GPC6: variants seen among roughly 807,000 people sequenced by gnomAD.
The protein encoded by GPC6 is glypican 6.
Under a neutral mutation model 55.2 loss-of-function variants are expected in GPC6, and 14 were observed. The ratio of observed to expected loss-of-function variants is 0.25; its 90% CI spans 0.17 to 0.40. The LOEUF (loss-of-function observed/expected upper bound fraction) is 0.40. Ranked by LOEUF, GPC6 falls within the 10% of genes least tolerant of loss-of-function variation. GPC6 has a pLI of 1.00. For synonymous variants in GPC6, 278 were observed against 259.6 expected (o/e 1.07, Z -0.68); for missense variants, 641 against 708.5 (o/e 0.90, Z 1.08).
At chr13:93,645,410 A>G (rs541037965) in intron 2 of GPC6, among the ~76,000 whole-genome samples, 2 of 152,296 alleles carry the variant, frequency 1.3e-5, no homozygotes, top group Non-Finnish European at 2.9e-5. Context: ...CCAGCTATAA[A>G]AGGGAAGAAA....
chr13:93,388,782 T>C (rs8001600), intron 1 of GPC6, among the ~76,000 whole-genome samples: 53,790 of 152,048 alleles, frequency 0.35, 10,843 homozygotes, highest in East Asian at 0.92. Flanking sequence ...TTATTATCTG[T>C]CTACCACTAG....
At chr13:94,093,902 A>G (rs1885580810) in intron 4 of GPC6, among the ~76,000 whole-genome samples, 1 of 152,080 alleles carries the variant, frequency 6.6e-6, no homozygotes, top group Non-Finnish European at 1.5e-5. Context: ...ACGAAGTTTA[A>G]GATGATGCTA....
At chr13:94,271,549 G>A (rs1462254438) in intron 4 of GPC6, among the ~76,000 whole-genome samples, 1 of 152,102 alleles carries the variant, frequency 6.6e-6, no homozygotes, top group Admixed American at 6.5e-5. Context: ...CCTTGGGCAA[G>A]TTATTTCCCT....
intron 3 of GPC6, among the ~76,000 whole-genome samples, chr13:93,937,381 T>C (rs555200853): frequency 6.6e-6 from 1 of 152,280 alleles, no homozygotes; most frequent in African/African-American, 2.4e-5. Context: ...CAGTGGACTT[T>C]TGTCAGTTTT....
chr13:93,645,172 G>A (rs868367183), intron 2 of GPC6, among the ~76,000 whole-genome samples: 36 of 151,694 alleles, frequency 2.4e-4, no homozygotes, highest in South Asian at 2.1e-4. Flanking sequence ...TTAGAAAACT[G>A]TTCAGATTCT....
intron 1 of GPC6, among the ~76,000 whole-genome samples, chr13:93,250,828 A>G (rs1876762030): frequency 6.6e-6 from 1 of 152,168 alleles, no homozygotes; most frequent in African/African-American, 2.4e-5. Context: ...TGGGTGTATT[A>G]GTTTGTTTTC....
intron 4 of GPC6, among the ~76,000 whole-genome samples, chr13:94,065,705 T>G (rs138267575): frequency 9.3e-4 from 141 of 152,294 alleles, no homozygotes; most frequent in African/African-American, 3.3e-3. Context: ...GTTCCAATGT[T>G]TACCAGGCCC....
At chr13:94,296,658 A>G (rs1875350630) in intron 5 of GPC6, among the ~76,000 whole-genome samples, 1 of 152,198 alleles carries the variant, frequency 6.6e-6, no homozygotes, top group Non-Finnish European at 1.5e-5. Flanking sequence ...GCCAGCCTAC[A>G]TGTAAACATG....
intron 1 of GPC6, among the ~76,000 whole-genome samples, chr13:93,417,467 T>G (rs1284878432): frequency 6.6e-6 from 1 of 152,100 alleles, no homozygotes; most frequent in Admixed American, 6.6e-5. Context: ...GAAACCATCA[T>G]GCAGAGGATC....
intron 1 of GPC6, among the ~76,000 whole-genome samples, chr13:93,228,543 C>G (rs566910561): frequency 2.0e-5 from 3 of 152,156 alleles, no homozygotes; most frequent in African/African-American, 7.2e-5. Context: ...ACAACTTGCG[C>G]GGCAGTCTGG....
intron 1 of GPC6, among the ~76,000 whole-genome samples, chr13:93,325,812 G>C (rs1443363741): frequency 3.3e-5 from 5 of 152,120 alleles, no homozygotes; most frequent in Admixed American, 3.3e-4. Flanking sequence ...CCATCTGGTA[G>C]TAATATGTAC....
At chr13:94,180,059 G>A (rs530174391) in intron 4 of GPC6, among the ~76,000 whole-genome samples, 1 of 152,162 alleles carries the variant, frequency 6.6e-6, no homozygotes, top group South Asian at 2.1e-4. Context: ...AGGGGGAGGA[G>A]GATGTGGACA....
intron 2 of GPC6, among the ~76,000 whole-genome samples, chr13:93,546,110 T>C (rs1296196410): frequency 1.3e-5 from 2 of 152,220 alleles, no homozygotes; most frequent in Non-Finnish European, 2.9e-5. Context: ...TCAACAATGA[T>C]AACAATAAAT....
intron 3 of GPC6, among the ~76,000 whole-genome samples, chr13:93,936,096 A>G (rs1427006938): frequency 6.6e-6 from 1 of 152,336 alleles, no homozygotes; most frequent in East Asian, 1.9e-4. Context: ...ACTATACATA[A>G]GAACCAAAAC....
chr13:93,424,707 A>G (rs1877058195), intron 1 of GPC6, among the ~76,000 whole-genome samples: 1 of 149,814 alleles, frequency 6.7e-6, no homozygotes, highest in Non-Finnish European at 1.5e-5. Context: ...AGATAATAGA[A>G]AAAAAATGTG....
chr13:94,306,336 C>G, intron 6 of GPC6: 1 of 653,092 alleles, frequency 1.5e-6, no homozygotes, highest in South Asian at 1.6e-5. Context: ...CATTAAGAAA[C>G]TATTAATGCA....
intron 4 of GPC6, among the ~76,000 whole-genome samples, chr13:94,222,923 G>T (rs577813104): frequency 1.8e-4 from 27 of 152,048 alleles, no homozygotes; most frequent in African/African-American, 5.8e-4. Flanking sequence ...TTTAACCCAG[G>T]TTAAAGCTCC....
At chr13:93,708,295 T>C (rs2138804713) in intron 2 of GPC6, among the ~76,000 whole-genome samples, 1 of 151,960 alleles carries the variant, frequency 6.6e-6, no homozygotes, top group East Asian at 1.9e-4. Context: ...TTTTAAATTT[T>C]CAATGTACTG....
chr13:94,169,700 C>T (rs757708890), intron 4 of GPC6, among the ~76,000 whole-genome samples: 47 of 152,062 alleles, frequency 3.1e-4, no homozygotes, highest in Non-Finnish European at 6.0e-4. Context: ...TCCTGAGAAA[C>T]ATGCCATTGG....
Sources: allele counts gnomAD v4.1 joint callset (sites outside exome capture counted in the v4.1 genomes callset), GRCh38; gene constraint gnomAD v4.1.1; transcripts MANE v1.5; gene names NCBI Gene and HGNC (gene_info 2026-07-23, HGNC 2026-07-21).